UNC5C: variants seen among roughly 807,000 people sequenced by gnomAD.
The protein encoded by UNC5C is unc-5 netrin receptor C.
In UNC5C, 47 loss-of-function variants were observed where a neutral mutation model predicts 99.8. That is an observed-to-expected ratio of 0.47 (90% CI 0.37 to 0.60). The LOEUF (loss-of-function observed/expected upper bound fraction) is 0.60, where lower values mean the gene tolerates loss of function less well. UNC5C is among the 20% of genes least tolerant of loss of function. UNC5C has a pLI of 0.00. For missense variants in UNC5C, 1,062 were observed against 1,165.9 expected (o/e 0.91, Z 1.30); for synonymous variants, 487 against 452.2 (o/e 1.08, Z -0.98).
intron 2 of UNC5C, among the ~76,000 whole-genome samples, chr4:95,305,169 G>C (rs77390227): frequency 1.5e-3 from 233 of 152,274 alleles, no homozygotes; most frequent in Non-Finnish European, 2.4e-3. Flanking sequence ...ATAGCCCAAA[G>C]TTTACATTCC....
intron 4 of UNC5C, among the ~76,000 whole-genome samples, chr4:95,272,878 T>C (rs1168745396): frequency 2.0e-5 from 3 of 152,210 alleles, no homozygotes; most frequent in African/African-American, 7.2e-5. Context: ...GCATGGAAAT[T>C]CATCAATATG....
At chr4:95,503,852 T>C (rs1448515370) in intron 1 of UNC5C, among the ~76,000 whole-genome samples, 1 of 152,118 alleles carries the variant, frequency 6.6e-6, no homozygotes, top group African/African-American at 2.4e-5. Context: ...TCCCCCACCA[T>C]TTCACTTATA....
chr4:95,280,972 T>A (rs1359085265), intron 3 of UNC5C, among the ~76,000 whole-genome samples: 1 of 151,756 alleles, frequency 6.6e-6, no homozygotes, highest in Non-Finnish European at 1.5e-5. Context: ...GCTTCTCTTG[T>A]TTTTTTGATC....
chr4:95,545,017 T>C (rs1723020768), intron 1 of UNC5C, among the ~76,000 whole-genome samples: 1 of 152,232 alleles, frequency 6.6e-6, no homozygotes, highest in Non-Finnish European at 1.5e-5. Flanking sequence ...AGAGAACAGT[T>C]ATGTTTAAGT....
chr4:95,476,980 C>A (rs1025348968), intron 1 of UNC5C, among the ~76,000 whole-genome samples: 2 of 152,018 alleles, frequency 1.3e-5, no homozygotes, highest in African/African-American at 4.8e-5. Context: ...TATCCAGAAT[C>A]TGAATTATGA....
chr4:95,437,966 T>C (rs1746839554), intron 1 of UNC5C, among the ~76,000 whole-genome samples: 1 of 152,108 alleles, frequency 6.6e-6, no homozygotes, highest in African/African-American at 2.4e-5. Context: ...ACTTTGCACA[T>C]TCATGCTTCT....
chr4:95,383,884 C>T (rs1579373537), intron 1 of UNC5C, among the ~76,000 whole-genome samples: 2 of 152,268 alleles, frequency 1.3e-5, no homozygotes, highest in South Asian at 4.1e-4. Context: ...CACATGTAAC[C>T]TTTCCATCTT....
At chr4:95,210,084 A>T (rs1738025017) in intron 10 of UNC5C, among the ~76,000 whole-genome samples, 1 of 152,064 alleles carries the variant, frequency 6.6e-6, no homozygotes, top group Admixed American at 6.6e-5. Context: ...CAGAAGGGAG[A>T]AGGCTCCCTG....
chr4:95,387,201 T>C (rs908072832), intron 1 of UNC5C, among the ~76,000 whole-genome samples: 1 of 152,142 alleles, frequency 6.6e-6, no homozygotes, highest in African/African-American at 2.4e-5. Context: ...TACAGTGGTG[T>C]GGTCACAGCT....
chr4:95,307,933 A>G (rs1418771876), intron 2 of UNC5C, among the ~76,000 whole-genome samples: 1 of 152,226 alleles, frequency 6.6e-6, no homozygotes, highest in East Asian at 1.9e-4. Context: ...TTTAATGAGA[A>G]AAACTCTCAA....
intron 1 of UNC5C, among the ~76,000 whole-genome samples, chr4:95,507,422 T>C (rs1721954140): frequency 6.6e-6 from 1 of 152,064 alleles, no homozygotes; most frequent in Non-Finnish European, 1.5e-5. Context: ...TTCCTGGTTC[T>C]CTTTTTTGTC....
intron 14 of UNC5C, among the ~76,000 whole-genome samples, chr4:95,173,709 G>C (rs1275246130): frequency 1.4e-4 from 21 of 151,894 alleles, no homozygotes; most frequent in Non-Finnish European, 2.1e-4. Flanking sequence ...TCTCTTTTTT[G>C]GTTGTGTCTC....
chr4:95,330,510 T>C (rs746914726), intron 2 of UNC5C, among the ~76,000 whole-genome samples: 2 of 152,158 alleles, frequency 1.3e-5, no homozygotes, highest in Non-Finnish European at 2.9e-5. Flanking sequence ...CTATTCTAAA[T>C]GACATCTTTT....
rs1000262524 is a variant in UNC5C, at chr4:95,333,589, G to A, written c.346+1821C>T. ...ACTATTGTGGGGTGGGGGGAGGGGC[G>A]AGGGATAGCATTAGGAGATATACCT... On this transcript the variant is annotated intron_variant, in intron 2 of 15. Transcript: ENST00000453304. Among the ~76,000 whole-genome samples the A allele has an allele frequency of 6.0e-5, 9 of 150,536 alleles. No homozygotes were observed. The South Asian group carries it at 8.5e-4, about 14-fold the overall frequency.
chr4:95,394,417 T>C (rs977099589), intron 1 of UNC5C, among the ~76,000 whole-genome samples: 3 of 152,178 alleles, frequency 2.0e-5, no homozygotes, highest in Admixed American at 6.5e-5. Flanking sequence ...GGATCGACTT[T>C]TACCCACCCT....
At chr4:95,453,501 A>C (rs986273332) in intron 1 of UNC5C, among the ~76,000 whole-genome samples, 7 of 152,228 alleles carry the variant, frequency 4.6e-5, no homozygotes, top group Non-Finnish European at 8.8e-5. Flanking sequence ...GGAAGAAAAA[A>C]AAGAAAGAAA....
chr4:95,414,431 T>C (rs1020577424), intron 1 of UNC5C, among the ~76,000 whole-genome samples: 8 of 152,200 alleles, frequency 5.3e-5, no homozygotes, highest in African/African-American at 1.9e-4. Flanking sequence ...GTGGCTTTCC[T>C]GTGAAGCCTG....
At chr4:95,536,147 T>G (rs13140399) in intron 1 of UNC5C, among the ~76,000 whole-genome samples, 73,936 of 150,274 alleles carry the variant, frequency 0.49, 18,466 homozygotes, top group East Asian at 0.57. Flanking sequence ...GCACGATCTC[T>G]GCTTACTGCA....
chr4:95,326,086 G>T (rs565657575), intron 2 of UNC5C, among the ~76,000 whole-genome samples: 19 of 152,122 alleles, frequency 1.2e-4, no homozygotes, highest in Non-Finnish European at 2.2e-4. Flanking sequence ...AGGCAAGTTT[G>T]TTTCTTCATC....
Sources: allele counts gnomAD v4.1 joint callset (sites outside exome capture counted in the v4.1 genomes callset), GRCh38; gene constraint gnomAD v4.1.1; transcripts MANE v1.5; gene names NCBI Gene and HGNC (gene_info 2026-07-23, HGNC 2026-07-21).